The following PPFIA2 variants were observed in gnomAD, a reference collection of about 807,000 sequenced individuals.
PPFIA2 encodes the protein PPFI scaffold protein A2, also known as liprin-alpha-2.
In PPFIA2, 46 loss-of-function variants were observed where a neutral mutation model predicts 175.5. That is an observed-to-expected ratio of 0.26 (90% CI 0.21 to 0.34). The LOEUF (loss-of-function observed/expected upper bound fraction) is 0.34, where lower values mean the gene tolerates loss of function less well. Among genes scored for constraint, PPFIA2 ranks in the 10% least tolerant of loss-of-function variants. PPFIA2 has a pLI of 1.00. For missense variants in PPFIA2, 1,179 were observed against 1,506.1 expected (o/e 0.78, Z 3.60); for synonymous variants, 568 against 511.4 (o/e 1.11, Z -1.49).
intron 4 of PPFIA2, among the ~76,000 whole-genome samples, chr12:81,659,150 C>T (rs1018318830): frequency 5.9e-5 from 9 of 152,046 alleles, no homozygotes; most frequent in African/African-American, 1.7e-4. Flanking sequence ...ATGCAGAAGA[C>T]GGATGATTTC....
chr12:81,705,953 C>T (rs1270539774), intron 3 of PPFIA2, among the ~76,000 whole-genome samples: 4 of 151,928 alleles, frequency 2.6e-5, no homozygotes, highest in South Asian at 2.1e-4. Flanking sequence ...CTATTTGCCA[C>T]GTGTTAAAAT....
intron 15 of PPFIA2, among the ~76,000 whole-genome samples, chr12:81,358,468 C>A (rs1352253435): frequency 6.6e-6 from 1 of 152,116 alleles, no homozygotes; most frequent in African/African-American, 2.4e-5. Context: ...TATAACCTTT[C>A]TGTTTATTAT....
At chr12:81,595,228 C>A (rs1197020025) in intron 4 of PPFIA2, among the ~76,000 whole-genome samples, 1 of 147,036 alleles carries the variant, frequency 6.8e-6, no homozygotes, top group Non-Finnish European at 1.5e-5. Context: ...TAACAAAATT[C>A]ACTGTGTTTA....
chr12:81,745,499 T>TC (rs1317217170), intron 3 of PPFIA2, among the ~76,000 whole-genome samples: 1 of 152,178 alleles, frequency 6.6e-6, no homozygotes, highest in Non-Finnish European at 1.5e-5. Context: ...ACCTTTTTTT[T>TC]CTTCTTCTTC....
intron 4 of PPFIA2, among the ~76,000 whole-genome samples, chr12:81,622,615 A>G (rs1475029283): frequency 6.6e-6 from 1 of 152,144 alleles, no homozygotes; most frequent in Non-Finnish European, 1.5e-5. Flanking sequence ...GCCTGGGTAA[A>G]GCTTATGAAC....
chr12:81,470,468 G>T (rs2056528266), intron 4 of PPFIA2, among the ~76,000 whole-genome samples: 1 of 152,210 alleles, frequency 6.6e-6, no homozygotes, highest in Non-Finnish European at 1.5e-5. Context: ...CACTGCTGGT[G>T]GGAGTGTAAT....
At chr12:81,650,073 G>A (rs184318866) in intron 4 of PPFIA2, among the ~76,000 whole-genome samples, 2 of 151,438 alleles carry the variant, frequency 1.3e-5, no homozygotes, top group Non-Finnish European at 2.9e-5. Flanking sequence ...GCAGTGGTGC[G>A]ATCTTGGCTC....
intron 4 of PPFIA2, among the ~76,000 whole-genome samples, chr12:81,588,197 A>C (rs2075557912): frequency 6.6e-6 from 1 of 151,954 alleles, no homozygotes; most frequent in Non-Finnish European, 1.5e-5. Flanking sequence ...TGGGAATATA[A>C]GCTTCCAGAA....
intron 9 of PPFIA2, among the ~76,000 whole-genome samples, chr12:81,381,796 TTTTTGTTTTG>T (rs199669337): frequency 6.6e-6 from 1 of 152,164 alleles, no homozygotes; most frequent in African/African-American, 2.4e-5. Flanking sequence ...CTATCTCTTT[TTTTTGTTTTG>T]TTTTGTTTTG....
chr12:81,370,927 A>G (rs2034923290), intron 11 of PPFIA2, among the ~76,000 whole-genome samples: 1 of 151,930 alleles, frequency 6.6e-6, no homozygotes, highest in South Asian at 2.1e-4. Flanking sequence ...ACTTTATGCC[A>G]ATATAGAACT....
intron 7 of PPFIA2, among the ~76,000 whole-genome samples, chr12:81,434,961 AATT>A (rs200485158): frequency 1.3e-5 from 2 of 152,076 alleles, no homozygotes; most frequent in Non-Finnish European, 1.5e-5. Context: ...TGTCATAATG[AATT>A]ATTATTATTA....
Position 81,341,138 on chromosome 12 carries a change from G to T in PPFIA2, c.2333C>A (p.Thr778Asn), listed in dbSNP as rs1323642748. 3 of 1,611,422 alleles carry T rather than the reference G, an allele frequency of 1.9e-6. No homozygotes were observed. Among genetic ancestry groups the T allele is most frequent in the Non-Finnish European group, 2.5e-6 (3 of 1,178,114 alleles). Reference sequence around the variant, plus strand: ...GTGAGTCATTCTGAGGGCTCTAGGGGTAGGAGGAGGAGAAGTTTCACATTT... The same window carrying T: ...GTGAGTCATTCTGAGGGCTCTAGGGTTAGGAGGAGGAGAAGTTTCACATTT... ...TIKCETSPPPTPRALRMTHTL... is the reference protein window; with the variant it reads ...TIKCETSPPPNPRALRMTHTL... Residue 778 changes from threonine to asparagine, a missense_variant, in exon 20 of 33, where the codon ACC becomes AAC. Coordinates refer to ENST00000549396, the MANE Select transcript of PPFIA2 (RefSeq NM_003625.5).
At chr12:81,564,062 A>G (rs2070775983) in intron 4 of PPFIA2, among the ~76,000 whole-genome samples, 1 of 152,224 alleles carries the variant, frequency 6.6e-6, no homozygotes, top group African/African-American at 2.4e-5. Flanking sequence ...TGGCTTCTAA[A>G]GATTTTTGTG....
At chr12:81,742,725 GT>G (rs931028805) in intron 3 of PPFIA2, among the ~76,000 whole-genome samples, 1 of 152,126 alleles carries the variant, frequency 6.6e-6, no homozygotes, top group Non-Finnish European at 1.5e-5. Context: ...AAAAGACAAG[GT>G]TCAGGATCCT....
chr12:81,622,621 T>A (rs1188461674), intron 4 of PPFIA2, among the ~76,000 whole-genome samples: 1 of 152,090 alleles, frequency 6.6e-6, no homozygotes, highest in Non-Finnish European at 1.5e-5. Context: ...GTAAAGCTTA[T>A]GAACATAGCT....
At chr12:81,443,198 C>G (rs1243702297) in intron 6 of PPFIA2, among the ~76,000 whole-genome samples, 1 of 151,856 alleles carries the variant, frequency 6.6e-6, no homozygotes, top group Non-Finnish European at 1.5e-5. Flanking sequence ...CAGATCATAT[C>G]TAATCCTCAT....
At chr12:81,369,698 G>T (rs1309081664) in intron 11 of PPFIA2, among the ~76,000 whole-genome samples, 1 of 151,718 alleles carries the variant, frequency 6.6e-6, no homozygotes, top group Non-Finnish European at 1.5e-5. Context: ...GGTAGAAGAG[G>T]TTGGATCAGA....
At chr12:81,550,158 T>A (rs1478127361) in intron 4 of PPFIA2, among the ~76,000 whole-genome samples, 1 of 151,924 alleles carries the variant, frequency 6.6e-6, no homozygotes, top group African/African-American at 2.4e-5. Context: ...CGAAACTCTG[T>A]CTACCTGGGA....
At chr12:81,344,545 T>C in intron 19 of PPFIA2, 119 bp downstream of exon 19, 1 of 663,038 alleles carries the variant, frequency 1.5e-6, no homozygotes, top group Non-Finnish European at 2.5e-6. Context: ...CAATACACTT[T>C]AAATACTCTC....
Sources: allele counts gnomAD v4.1 joint callset (sites outside exome capture counted in the v4.1 genomes callset), GRCh38; gene constraint gnomAD v4.1.1; transcripts MANE v1.5; gene names NCBI Gene and HGNC (gene_info 2026-07-23, HGNC 2026-07-21).